NTN1: variants seen among roughly 807,000 people sequenced by gnomAD.
NTN1 encodes netrin 1, also known as netrin-1.
In NTN1, 11 loss-of-function variants were observed where a neutral mutation model predicts 54.2. The ratio of observed to expected loss-of-function variants is 0.20; its 90% CI spans 0.13 to 0.34. The LOEUF (loss-of-function observed/expected upper bound fraction) is 0.34, where lower values mean the gene tolerates loss of function less well. Among genes scored for constraint, NTN1 ranks in the 10% least tolerant of loss-of-function variants. The probability of loss-of-function intolerance (pLI) is 1.00; values close to 1 mark genes in which losing one functional copy is unlikely to be tolerated. For missense variants in NTN1, 740 were observed against 893.1 expected (o/e 0.83, Z 2.18); for synonymous variants, 371 against 382.0 (o/e 0.97, Z 0.33).
chr17:9,022,499 G>C lies in NTN1; in HGVS notation c.126G>C (p.Ser42=). 6.5e-7 allele frequency: 1 copy of C among 1,542,788 alleles called. No individual in the cohort carries two copies. The change falls in exon 2 of 7, where the codon TCG becomes TCC. Residue 42 remains serine, a synonymous_variant. Transcript: ENST00000173229. ...AGGCGGCGCAGCCCGATCCCTGCTC[G>C]GACGAGAACGGCCACCCGCGCCGCT... The part of the protein sequence containing the change: ...AGQAAQPDPC[S]DENGHPRRCI...
intron 2 of NTN1, among the ~76,000 whole-genome samples, chr17:9,046,702 G>A (rs967794299): frequency 1.3e-5 from 2 of 152,116 alleles, no homozygotes; most frequent in Non-Finnish European, 2.9e-5. Context: ...CAGGAGGATC[G>A]CTTGAGCCCA....
chr17:9,208,289 T>C (rs981151130), intron 5 of NTN1, among the ~76,000 whole-genome samples: 1 of 152,148 alleles, frequency 6.6e-6, no homozygotes, highest in Non-Finnish European at 1.5e-5. Context: ...AGGGGTATCA[T>C]CAGAATAATT....
chr17:9,217,178 G>T (rs1227408562), intron 5 of NTN1, among the ~76,000 whole-genome samples: 6 of 152,150 alleles, frequency 3.9e-5, no homozygotes, highest in African/African-American at 9.7e-5. Flanking sequence ...CTGCTTATTT[G>T]TTCTCTGGTC....
rs567203698 is a variant in NTN1, at chr17:9,112,575, C to A, written c.1019-50238C>A. ...ACCCCACCCCTCATGCCTGTAATCCCAGCACTTTGGGAGGCCGAGGCAGGC... is the reference window on the plus strand; with the variant it reads ...ACCCCACCCCTCATGCCTGTAATCCAAGCACTTTGGGAGGCCGAGGCAGGC... On this transcript the variant is annotated intron_variant, in intron 2 of 6. Coordinates refer to ENST00000173229, the MANE Select transcript of NTN1 (RefSeq NM_004822.3). 7.7e-5 allele frequency among the ~76,000 whole-genome samples: 11 copies of A among 142,454 alleles called. No homozygotes were observed. The South Asian group carries it at 2.5e-3, about 32-fold the overall frequency. The allele number at this position is 142,454 out of a possible 152,430, so 93.5% of individuals were successfully genotyped here. A position where few individuals can be genotyped will look rare whatever the true frequency, so the allele number is the denominator to read the frequency against.
chr17:9,025,449 G>C (rs1266762254), intron 2 of NTN1, among the ~76,000 whole-genome samples: 4 of 152,140 alleles, frequency 2.6e-5, no homozygotes, highest in African/African-American at 7.2e-5. Flanking sequence ...GGCTTAATAA[G>C]TACATAATCT....
At chr17:9,143,136 CT>C in intron 2 of NTN1, among the ~76,000 whole-genome samples, 1 of 152,164 alleles carries the variant, frequency 6.6e-6, no homozygotes, top group African/African-American at 2.4e-5. Context: ...TCCATCTGCC[CT>C]GTGTGGCTTT....
intron 2 of NTN1, among the ~76,000 whole-genome samples, chr17:9,134,143 T>C (rs181249889): frequency 1.6e-3 from 240 of 152,172 alleles, no homozygotes; most frequent in African/African-American, 5.5e-3. Context: ...GACCTTGTGA[T>C]CTGCCCGCCT....
At chr17:9,147,869 T>TAAC (rs1459068410) in intron 2 of NTN1, among the ~76,000 whole-genome samples, 1 of 152,210 alleles carries the variant, frequency 6.6e-6, no homozygotes, top group Non-Finnish European at 1.5e-5. Context: ...TTGATTAAAA[T>TAAC]AACTGGATTC....
At chr17:9,026,391 C>CGGGG (rs34098463) in intron 2 of NTN1, among the ~76,000 whole-genome samples, 14 of 137,904 alleles carry the variant, frequency 1.0e-4, no homozygotes, top group African/African-American at 2.7e-4. Context: ...GGATTTCTTC[C>CGGGG]GGGGGGGGGG....
At chr17:9,204,883 G>A (rs979310853) in intron 5 of NTN1, among the ~76,000 whole-genome samples, 2 of 151,744 alleles carry the variant, frequency 1.3e-5, no homozygotes, top group Non-Finnish European at 2.9e-5. Context: ...CCGGTGGTCT[G>A]TGTGCTGCCT....
chr17:9,206,853 C>T (rs1208905340), intron 5 of NTN1, among the ~76,000 whole-genome samples: 2 of 152,216 alleles, frequency 1.3e-5, no homozygotes, highest in African/African-American at 4.8e-5. Flanking sequence ...TCCTGCTCTC[C>T]TCCCCAGGCA....
chr17:9,081,092 G>A (rs969133034), intron 2 of NTN1, among the ~76,000 whole-genome samples: 1 of 152,224 alleles, frequency 6.6e-6, no homozygotes, highest in Non-Finnish European at 1.5e-5. Context: ...GGCATCAGAA[G>A]TGCTGGGGGC....
At chr17:9,149,708 G>A (rs1259892876) in intron 2 of NTN1, among the ~76,000 whole-genome samples, 2 of 152,146 alleles carry the variant, frequency 1.3e-5, no homozygotes, top group Non-Finnish European at 2.9e-5. Context: ...TTCTTTTGCT[G>A]ATAGATCTGG....
At chr17:9,042,403 G>A (rs1275214131) in intron 2 of NTN1, among the ~76,000 whole-genome samples, 1 of 151,818 alleles carries the variant, frequency 6.6e-6, no homozygotes, top group Non-Finnish European at 1.5e-5. Flanking sequence ...AAGATTGCAC[G>A]AGCGAGGGGT....
intron 2 of NTN1, among the ~76,000 whole-genome samples, chr17:9,079,721 G>GT (rs1467565859): frequency 2.7e-5 from 4 of 150,226 alleles, no homozygotes; most frequent in Admixed American, 2.6e-4. Flanking sequence ...CAGCGGGCCT[G>GT]TTTCCTGGCC....
chr17:9,242,517 C>T lies in NTN1; in HGVS notation c.*2549C>T, dbSNP rs1172479291. On this transcript the variant is annotated 3_prime_UTR_variant, in exon 7 of 7. Transcript: ENST00000173229. Reference sequence around the variant, plus strand: ...TCACGGGTGTCCTGTGAGGGGCTTGCATTTGTGGTGGTCTCTGAGGCCACC... The same window carrying T: ...TCACGGGTGTCCTGTGAGGGGCTTGTATTTGTGGTGGTCTCTGAGGCCACC... 1 of 152,302 alleles carries T rather than the reference C, an allele frequency of 6.6e-6. No homozygotes were observed. Among genetic ancestry groups the T allele is most frequent in the African/African-American group, 2.4e-5 (1 of 41,466 alleles). The allele number at this position is 152,302 out of a possible 1,614,324, so 9.4% of individuals were successfully genotyped here.
At chr17:9,142,267 C>G (rs966812264) in intron 2 of NTN1, among the ~76,000 whole-genome samples, 1 of 138,616 alleles carries the variant, frequency 7.2e-6, no homozygotes, top group African/African-American at 2.7e-5. Context: ...CCAGCCTGGA[C>G]AATAGAATAA....
intron 2 of NTN1, among the ~76,000 whole-genome samples, chr17:9,070,928 G>A (rs2092030077): frequency 6.6e-6 from 1 of 151,802 alleles, no homozygotes; most frequent in African/African-American, 2.4e-5. Context: ...GCTTTGTGGA[G>A]CAAAGTCATC....
intron 6 of NTN1, among the ~76,000 whole-genome samples, chr17:9,228,688 A>G (rs1905681094): frequency 1.3e-5 from 2 of 152,206 alleles, no homozygotes; most frequent in African/African-American, 4.8e-5. Flanking sequence ...CCAGATGGAA[A>G]AATCAAAATG....
Sources: allele counts gnomAD v4.1 joint callset (sites outside exome capture counted in the v4.1 genomes callset), GRCh38; gene constraint gnomAD v4.1.1; transcripts MANE v1.5; gene names NCBI Gene and HGNC (gene_info 2026-07-23, HGNC 2026-07-21).